The following DYNC2H1 variants were observed in gnomAD, a reference collection of about 807,000 sequenced individuals.
DYNC2H1 encodes the protein dynein cytoplasmic 2 heavy chain 1.
DYNC2H1 carries 410 observed loss-of-function variants against 570.0 expected under a neutral mutation model. The ratio of observed to expected loss-of-function variants is 0.72; its 90% CI spans 0.66 to 0.78. DYNC2H1 has a LOEUF of 0.78. Ranked by LOEUF, DYNC2H1 falls within the 30% of genes least tolerant of loss-of-function variation. DYNC2H1 has a pLI of 0.00. For missense variants in DYNC2H1, 4,865 were observed against 5,046.4 expected (o/e 0.96, Z 1.09); for synonymous variants, 1,688 against 1,677.6 (o/e 1.01, Z -0.15).
At chr11:103,297,670 T>A (rs1866890391) in intron 75 of DYNC2H1, among the ~76,000 whole-genome samples, 1 of 152,134 alleles carries the variant, frequency 6.6e-6, no homozygotes, top group Non-Finnish European at 1.5e-5. Flanking sequence ...ACAACCATGG[T>A]ATACATGGTC....
chr11:103,161,065 T>A (rs528788000), intron 29 of DYNC2H1, 21 bp downstream of exon 29: 1 of 1,286,148 alleles, frequency 7.8e-7, no homozygotes, highest in Admixed American at 3.1e-5. Flanking sequence ...CTTTTTCAAA[T>A]ATGAAAACAA....
intron 83 of DYNC2H1, among the ~76,000 whole-genome samples, chr11:103,374,663 A>G (rs1941318081): frequency 6.6e-6 from 1 of 152,166 alleles, no homozygotes; most frequent in Admixed American, 6.5e-5. Flanking sequence ...TGGGAACTGA[A>G]GTAAAGGTCA....
intron 84 of DYNC2H1, among the ~76,000 whole-genome samples, chr11:103,421,094 C>T (rs1943471035): frequency 6.6e-6 from 1 of 152,022 alleles, no homozygotes; most frequent in Non-Finnish European, 1.5e-5. Flanking sequence ...TCTGACAAAA[C>T]AGACTTCAAA....
chr11:103,309,820 G>A (rs1050457975), intron 78 of DYNC2H1, among the ~76,000 whole-genome samples: 2 of 151,924 alleles, frequency 1.3e-5, no homozygotes, highest in East Asian at 3.9e-4. Flanking sequence ...TAAATATTTC[G>A]ATAAGAGAGT....
chr11:103,116,836 C>A, intron 5 of DYNC2H1, 122 bp downstream of exon 5: 1 of 762,578 alleles, frequency 1.3e-6, no homozygotes, highest in Non-Finnish European at 1.9e-6. Context: ...TAAAGCAAAT[C>A]ATGTAGCATT....
At chr11:103,304,797 G>A (rs982287578) in intron 77 of DYNC2H1, 77 bp downstream of exon 77, 4 of 1,339,696 alleles carry the variant, frequency 3.0e-6, no homozygotes, top group Non-Finnish European at 3.0e-6. Flanking sequence ...GTATTAAAAT[G>A]TCATGCATTA....
chr11:103,387,092 G>C (rs577795543), intron 83 of DYNC2H1, among the ~76,000 whole-genome samples: 9 of 152,084 alleles, frequency 5.9e-5, no homozygotes, highest in East Asian at 1.9e-4. Context: ...TTCCACAATG[G>C]TTGAACTAGT....
rs115298542 is a variant in DYNC2H1, at chr11:103,275,621, G to A, written c.10696-4727G>A. Among the ~76,000 whole-genome samples the A allele has an allele frequency of 3.4e-3, 517 of 152,156 alleles. 3 individuals carry two copies. Among genetic ancestry groups the A allele is most frequent in the African/African-American group, 0.012 (479 of 41,500 alleles). On this transcript the variant is annotated intron_variant, in intron 70 of 88. Coordinates refer to ENST00000375735, the MANE Select transcript of DYNC2H1 (RefSeq NM_001377.3). The surrounding 1 kb of genome is among the most constrained non-coding windows in gnomAD (Gnocchi z 4.8). ...GAATCATACAGTATGTCAGTATGTA[G>A]CCTTTGTAGATTGTCTTCTTTCACT...
intron 84 of DYNC2H1, among the ~76,000 whole-genome samples, chr11:103,425,128 A>G (rs1943621075): frequency 6.6e-6 from 1 of 152,076 alleles, no homozygotes; most frequent in Non-Finnish European, 1.5e-5. Context: ...TAGAGATGAT[A>G]GGTACTCACC....
In DYNC2H1 at chr11:103,253,270, G is replaced by GC; in HGVS notation, c.10043-15_10043-14insC. The GC allele has an allele frequency of 1.3e-6, 2 of 1,584,666 alleles. No individual in the cohort carries two copies. Among genetic ancestry groups the GC allele is most frequent in the East Asian group, 4.5e-5 (2 of 44,398 alleles). On this transcript the variant is annotated splice_polypyrimidine_tract_variant and intron_variant, in intron 65 of 88. Coordinates refer to ENST00000375735, the MANE Select transcript of DYNC2H1 (RefSeq NM_001377.3). ...GAAGATTCAGACCAACCAATTGTGTGTTTTTTTTAAATAGGACCACGTTAT... is the reference window on the plus strand; with the variant it reads ...GAAGATTCAGACCAACCAATTGTGTGCTTTTTTTTAAATAGGACCACGTTAT...
At chr11:103,143,553 A>T (rs931683507) in intron 18 of DYNC2H1, among the ~76,000 whole-genome samples, 158 bp downstream of exon 18, 2 of 152,146 alleles carry the variant, frequency 1.3e-5, no homozygotes, top group African/African-American at 2.4e-5. Flanking sequence ...GGCATTACAG[A>T]TAATAAAACA....
At chr11:103,312,557 A>C (rs1245613193) in intron 79 of DYNC2H1, among the ~76,000 whole-genome samples, 1 of 134,076 alleles carries the variant, frequency 7.5e-6, no homozygotes, top group African/African-American at 2.8e-5. Context: ...AAAAAAAAAA[A>C]AAAAAAAAAC....
At chr11:103,392,222 C>A (rs1313124849) in intron 83 of DYNC2H1, among the ~76,000 whole-genome samples, 1 of 152,214 alleles carries the variant, frequency 6.6e-6, no homozygotes, top group Non-Finnish European at 1.5e-5. Flanking sequence ...CCCCAGCCTC[C>A]TGCTGCCTTG....
intron 62 of DYNC2H1, 62 bp downstream of exon 62, chr11:103,235,875 T>G (rs1005965923): frequency 6.3e-7 from 1 of 1,584,524 alleles, no homozygotes; most frequent in African/African-American, 1.4e-5. Flanking sequence ...AATTTAAAAT[T>G]TCAATATACT....
chr11:103,323,049 G>A (rs1229178112), intron 81 of DYNC2H1, among the ~76,000 whole-genome samples: 1 of 152,152 alleles, frequency 6.6e-6, no homozygotes, highest in Non-Finnish European at 1.5e-5. Context: ...AGGGTCAGCT[G>A]CCAAGGATAA....
In DYNC2H1 at chr11:103,245,235, T is replaced by C. The variant is rs1416909348; in HGVS notation, c.9919-16T>C. The C allele has an allele frequency of 2.0e-6, 3 of 1,497,824 alleles. No individual in the cohort carries two copies. Among genetic ancestry groups the C allele is most frequent in the African/African-American group, 2.8e-5 (2 of 70,914 alleles). The allele number at this position is 1,497,824 out of a possible 1,614,324, so 92.8% of individuals were successfully genotyped here. ...GTAATTAAATAATTAATACGTATTC[T>C]TTTTTATTCAATTAGGATAGTAACT... On this transcript the variant is annotated splice_polypyrimidine_tract_variant and intron_variant, in intron 64 of 88. Transcript: ENST00000375735. The surrounding 1 kb of genome is among the most constrained non-coding windows in gnomAD (Gnocchi z 4.5).
rs188804377 is a variant in DYNC2H1, at chr11:103,127,238, A to G, written c.1858-1672A>G. Among the ~76,000 whole-genome samples, 73 of 152,318 alleles carry G rather than the reference A, an allele frequency of 4.8e-4. 1 individual carries two copies. Among genetic ancestry groups the G allele is most frequent in the African/African-American group, 1.7e-3 (72 of 41,568 alleles). ...TTTAATATGGTAAGTATTTAGTCTG[A>G]CACAATAGGAGCTCAAAAAATGAAT... On this transcript the variant is annotated intron_variant, in intron 12 of 88. Coordinates refer to ENST00000375735, the MANE Select transcript of DYNC2H1 (RefSeq NM_001377.3).
chr11:103,474,582 C>G (rs961838306), intron 88 of DYNC2H1, among the ~76,000 whole-genome samples: 1 of 152,066 alleles, frequency 6.6e-6, no homozygotes, highest in Non-Finnish European at 1.5e-5. Flanking sequence ...CCCTCTGTAT[C>G]TGCAATTTCA....
chr11:103,226,462 A>G (rs1046949960), intron 59 of DYNC2H1, among the ~76,000 whole-genome samples: 2 of 152,196 alleles, frequency 1.3e-5, no homozygotes, highest in Non-Finnish European at 2.9e-5. Flanking sequence ...TTCTGTGTCT[A>G]TTGAGATGAT....
Sources: allele counts gnomAD v4.1 joint callset (sites outside exome capture counted in the v4.1 genomes callset), GRCh38; gene constraint gnomAD v4.1.1; non-coding constraint Gnocchi (gnomAD v3.1); transcripts MANE v1.5; gene names NCBI Gene and HGNC (gene_info 2026-07-23, HGNC 2026-07-21).